The following COP1 variants were observed in gnomAD, a reference collection of about 807,000 sequenced individuals.
COP1 encodes the protein COP1 E3 ubiquitin ligase, also known as E3 ubiquitin-protein ligase COP1.
COP1 carries 24 observed loss-of-function variants against 101.3 expected under a neutral mutation model. The observed-to-expected ratio is 0.24, with a 90% CI of 0.17 to 0.33. The LOEUF (loss-of-function observed/expected upper bound fraction) is 0.33, where lower values mean the gene tolerates loss of function less well. COP1 is among the 10% of genes least tolerant of loss of function. The pLI is 1.00. For missense variants in COP1, 663 were observed against 906.2 expected, an observed-to-expected ratio of 0.73 and a Z score of 3.45; for synonymous variants, 347 against 341.9, an observed-to-expected ratio of 1.01 and a Z score of -0.17.
At chr1:176,008,344 C>G (rs186418045) in intron 15 of COP1, among the ~76,000 whole-genome samples, 10 of 152,174 alleles carry the variant, frequency 6.6e-5, no homozygotes, top group Non-Finnish European at 1.3e-4. Context: ...GGAGCTGTTC[C>G]TATTCGGCCA....
At chr1:175,994,425 C>T (rs1280662174) in intron 15 of COP1, among the ~76,000 whole-genome samples, 1 of 152,128 alleles carries the variant, frequency 6.6e-6, no homozygotes, top group Admixed American at 6.5e-5. Context: ...GGACTAAATG[C>T]TCCAATGAAA....
At chr1:176,096,414 C>A (rs2149479777) in intron 9 of COP1, among the ~76,000 whole-genome samples, 1 of 152,316 alleles carries the variant, frequency 6.6e-6, no homozygotes, top group South Asian at 2.1e-4. Context: ...GGTTTGGGTG[C>A]ATGGCCATGT....
At chr1:176,182,463 C>T (rs759775164) in intron 2 of COP1, among the ~76,000 whole-genome samples, 14 of 152,182 alleles carry the variant, frequency 9.2e-5, no homozygotes, top group Non-Finnish European at 1.8e-4. Flanking sequence ...TTGGTTGTCA[C>T]AACCCCAGAG....
chr1:176,110,577 T>C (rs1004696170), intron 9 of COP1, among the ~76,000 whole-genome samples: 1 of 152,176 alleles, frequency 6.6e-6, no homozygotes, highest in African/African-American at 2.4e-5. Flanking sequence ...ATAGCAAGGA[T>C]TACTATCTGT....
At chr1:176,008,334 G>A (rs1196545500) in intron 15 of COP1, among the ~76,000 whole-genome samples, 4 of 152,154 alleles carry the variant, frequency 2.6e-5, no homozygotes, top group African/African-American at 7.2e-5. Context: ...GCTGTAGACC[G>A]GAGCTGTTCC....
rs934886813 is a variant in COP1 at position 176,004,746 on chromosome 1, C to A, written c.1730-15267G>T. On this transcript the variant is annotated intron_variant, in intron 15 of 19. Coordinates refer to ENST00000367669, the MANE Select transcript of COP1 (RefSeq NM_022457.7). The stretch of plus-strand genomic sequence containing the variant: ...AAGCTTTTTGATGTGCTGCGGGATT[C>A]GTTTTGCCAGTATTTTATTGAGGAT... Among the ~76,000 whole-genome samples the A allele has an allele frequency of 2.5e-3, 371 of 148,892 alleles. 1 individual carries two copies. The highest frequency in any genetic ancestry group is 8.6e-3 in the African/African-American group (355 of 41,130).
intron 11 of COP1, among the ~76,000 whole-genome samples, chr1:176,051,491 A>C (rs1369969958): frequency 3.9e-5 from 6 of 152,242 alleles, no homozygotes; most frequent in Admixed American, 6.5e-5. Flanking sequence ...TGTACAGTAC[A>C]TATACTTGAA....
chr1:175,955,734 A>T (rs1369253607), intron 18 of COP1, among the ~76,000 whole-genome samples: 2 of 137,836 alleles, frequency 1.5e-5, no homozygotes, highest in African/African-American at 5.1e-5. Flanking sequence ...CATTTATAGT[A>T]CCATAAAAAG....
intron 11 of COP1, among the ~76,000 whole-genome samples, chr1:176,080,493 A>T (rs528219183): frequency 1.3e-5 from 2 of 152,354 alleles, no homozygotes; most frequent in East Asian, 3.9e-4. Flanking sequence ...CTCTGGGAAG[A>T]TCAATAAAAC....
chr1:175,962,163 G>A (rs902335743), intron 18 of COP1, among the ~76,000 whole-genome samples: 2 of 152,106 alleles, frequency 1.3e-5, no homozygotes, highest in Non-Finnish European at 2.9e-5. Flanking sequence ...CCCAAAATAT[G>A]CTACTCTGGT....
chr1:176,194,273 C>T (rs979352181), intron 1 of COP1, among the ~76,000 whole-genome samples: 3 of 151,948 alleles, frequency 2.0e-5, no homozygotes, highest in African/African-American at 7.2e-5. Context: ...AAAGAGCAAA[C>T]AAGACAGTAC....
At chr1:176,206,475 TCCAACAAGCCACCC>T in intron 1 of COP1, 83 bp downstream of exon 1, 1 of 1,444,896 alleles carries the variant, frequency 6.9e-7, no homozygotes, top group Non-Finnish European at 9.5e-7. Context: ...TCCCAAGCTC[TCCAACAAGCCACCC>T]CCACACCAGA....
intron 1 of COP1, among the ~76,000 whole-genome samples, chr1:176,189,155 A>G (rs1698820848): frequency 6.6e-6 from 1 of 152,182 alleles, no homozygotes; most frequent in Non-Finnish European, 1.5e-5. Context: ...CATTACATGC[A>G]GAGGAATAAA....
chr1:175,995,616 C>CA (rs1357088225), intron 15 of COP1, among the ~76,000 whole-genome samples: 1 of 152,212 alleles, frequency 6.6e-6, no homozygotes, highest in Admixed American at 6.5e-5. Flanking sequence ...ATACTACAAA[C>CA]ACCTCTACAC....
At chr1:176,160,311 A>C (rs1296807135) in intron 5 of COP1, 1 of 369,170 alleles carries the variant, frequency 2.7e-6, no homozygotes, top group South Asian at 2.0e-5. Flanking sequence ...ACGAGTGCAG[A>C]ATGTGTAGGT....
At chr1:175,983,331 G>C (rs1656326233) in intron 18 of COP1, among the ~76,000 whole-genome samples, 1 of 152,194 alleles carries the variant, frequency 6.6e-6, no homozygotes, top group South Asian at 2.1e-4. Context: ...TCTCGTGACA[G>C]TGAATAAGTC....
At chr1:176,150,815 G>C (rs1313697267) in intron 5 of COP1, among the ~76,000 whole-genome samples, 1 of 152,112 alleles carries the variant, frequency 6.6e-6, no homozygotes, top group Non-Finnish European at 1.5e-5. Flanking sequence ...AATGTAAAAG[G>C]AAAGTGGGTC....
At chr1:175,949,645 T>C (rs1207381555) in intron 18 of COP1, among the ~76,000 whole-genome samples, 2 of 152,232 alleles carry the variant, frequency 1.3e-5, no homozygotes, top group African/African-American at 4.8e-5. Context: ...GGACAGACTC[T>C]GGTCTGCAAG....
intron 9 of COP1, among the ~76,000 whole-genome samples, chr1:176,095,836 CTATTCA>C (rs1432607593): frequency 6.6e-6 from 1 of 152,138 alleles, no homozygotes; most frequent in Non-Finnish European, 1.5e-5. Flanking sequence ...TTCTTCATTA[CTATTCA>C]TAATTTTTTT....
Sources: allele counts gnomAD v4.1 joint callset (sites outside exome capture counted in the v4.1 genomes callset), GRCh38; gene constraint gnomAD v4.1.1; transcripts MANE v1.5; gene names NCBI Gene and HGNC (gene_info 2026-07-23, HGNC 2026-07-21).